RBFOX1: variants seen among roughly 807,000 people sequenced by gnomAD.
The protein encoded by RBFOX1 is RNA binding fox-1 homolog 1.
Under a neutral mutation model 57.7 loss-of-function variants are expected in RBFOX1, and 8 were observed. That is an observed-to-expected ratio of 0.14 (90% CI 0.08 to 0.25). The LOEUF is 0.25. RBFOX1 is among the 10% of genes least tolerant of loss of function. The pLI is 1.00. For synonymous variants in RBFOX1, 326 were observed against 222.4 expected, an observed-to-expected ratio of 1.47 and a Z score of -4.15; for missense variants, 611 against 548.5, an observed-to-expected ratio of 1.11 and a Z score of -1.14.
chr16:6,394,773 C>T (rs1008611943), intron 2 of RBFOX1, among the ~76,000 whole-genome samples: 2 of 152,084 alleles, frequency 1.3e-5, no homozygotes, highest in Admixed American at 6.6e-5. Context: ...TCTACCAAAA[C>T]AGCTCAGCCA....
intron 4 of RBFOX1, among the ~76,000 whole-genome samples, chr16:7,512,676 C>T (rs1039464791): frequency 2.6e-5 from 4 of 152,216 alleles, no homozygotes; most frequent in African/African-American, 9.6e-5. Context: ...TTGCACAACT[C>T]ATGGTAGAGG....
intron 3 of RBFOX1, among the ~76,000 whole-genome samples, chr16:6,833,533 G>A (rs1320135592): frequency 6.6e-6 from 1 of 152,112 alleles, no homozygotes; most frequent in Non-Finnish European, 1.5e-5. Flanking sequence ...TGGAATGCCA[G>A]CCTGGCCAGC....
In RBFOX1 at chr16:5,717,787, A is replaced by G. The variant is rs558851772; in HGVS notation, c.318+118826A>G. ...TGCAAGAAGATTTGGTACTATTCGG[A>G]GGGCCTCCCATGATCAGCGATTTAT... On this transcript the variant is annotated intron_variant, in intron 3 of 19. Transcript: ENST00000641259. Among the ~76,000 whole-genome samples the G allele has an allele frequency of 7.9e-5, 12 of 152,328 alleles. No individual in the cohort carries two copies. In the East Asian group the frequency reaches 1.7e-3, roughly 22 times the overall value.
intron 3 of RBFOX1, among the ~76,000 whole-genome samples, chr16:6,663,910 G>A (rs2098716377): frequency 1.3e-5 from 2 of 152,208 alleles, no homozygotes; most frequent in African/African-American, 4.8e-5. Context: ...TGGGGCTCAG[G>A]CAGCAGTGGG....
At chr16:5,951,681 C>T (rs966816339) in intron 4 of RBFOX1, among the ~76,000 whole-genome samples, 3 of 152,142 alleles carry the variant, frequency 2.0e-5, no homozygotes, top group South Asian at 2.1e-4. Flanking sequence ...CCCCTATGAC[C>T]GTCCCCTGAC....
intron 3 of RBFOX1, among the ~76,000 whole-genome samples, chr16:6,797,385 C>G (rs897929359): frequency 1.3e-5 from 2 of 151,788 alleles, no homozygotes; most frequent in East Asian, 1.9e-4. Context: ...AACAGGTGGT[C>G]GAAAGAGAGA....
At position 5,947,189 on chromosome 16, in the gene RBFOX1, C is replaced by T. The variant is rs1344969879; in HGVS notation, c.351+79854C>T. ...CGTGATTCTGCCACTGCTCTCCAGC[C>T]TGGGTGGCAGAGTGAGACTCTGTCT... On this transcript the variant is annotated intron_variant, in intron 4 of 19. Coordinates refer to the RBFOX1 transcript ENST00000641259. The surrounding 1 kb of genome is among the most constrained non-coding windows in gnomAD (Gnocchi z 7.2). Among the ~76,000 whole-genome samples the T allele has an allele frequency of 6.6e-6, 1 of 152,148 alleles. No individual in the cohort carries two copies. The highest frequency in any genetic ancestry group is 2.4e-5 in the African/African-American group (1 of 41,434).
At chr16:6,925,133 TTTTTTTTTTTTTTTTTTTG>T (rs2075317854) in intron 3 of RBFOX1, among the ~76,000 whole-genome samples, 3 of 99,464 alleles carry the variant, frequency 3.0e-5, no homozygotes, top group African/African-American at 8.3e-5. Flanking sequence ...TTTTTTTTTT[TTTTTTTTTTTTTTTTTTTG>T]AGATGGAGTT....
At chr16:5,670,919 G>C (rs1434976686) in intron 3 of RBFOX1, among the ~76,000 whole-genome samples, 1 of 152,230 alleles carries the variant, frequency 6.6e-6, no homozygotes, top group Non-Finnish European at 1.5e-5. Context: ...CCACTTTGCA[G>C]ATGAAGATAT....
At chr16:5,672,601 GT>G (rs34921063) in intron 3 of RBFOX1, among the ~76,000 whole-genome samples, 45,146 of 152,066 alleles carry the variant, frequency 0.3, 7,185 homozygotes, top group East Asian at 0.57. Context: ...CCCACAAAGA[GT>G]TAAGTCGTAT....
In RBFOX1 at chr16:5,645,263, CAG is replaced by C. The variant is rs2049013192; in HGVS notation, c.318+46304_318+46305del. ...AAGTTCCATCTCAAAAAAACAAAAA[CAG>C]AAACAAAAACAAAAAAAAAAACATG... is the stretch of plus-strand genomic sequence containing the variant. On this transcript the variant is annotated intron_variant, in intron 3 of 19. Coordinates refer to the RBFOX1 transcript ENST00000641259. Among the ~76,000 whole-genome samples, 3 of 42,018 alleles carry C rather than the reference CAG, an allele frequency of 7.1e-5. No homozygotes were observed. In the South Asian group the frequency reaches 4.3e-3, roughly 61 times the overall value. The allele number at this position is 42,018 out of a possible 152,430, so 27.6% of individuals were successfully genotyped here.
chr16:6,350,444 G>GA lies in RBFOX1; in HGVS notation c.-64+33442dup, dbSNP rs569363563. ...CAACAAGAGTGAAACTCTGTCTCAA[G>GA]AAAAAAAAAAAAAAAAAAAAAAAAA... is the stretch of plus-strand genomic sequence containing the variant. On this transcript the variant is annotated intron_variant, in intron 2 of 15. Coordinates refer to ENST00000550418, the MANE Select transcript of RBFOX1 (RefSeq NM_018723.4). 4.0e-5 allele frequency among the ~76,000 whole-genome samples: 3 copies of GA among 74,616 alleles called. 1 individual carries two copies. Among genetic ancestry groups the GA allele is most frequent in the Non-Finnish European group, 7.3e-5 (3 of 40,946 alleles). The allele number at this position is 74,616 out of a possible 152,430, so 49.0% of individuals were successfully genotyped here. A position where few individuals can be genotyped will look rare whatever the true frequency, so the allele number is the denominator to read the frequency against.
At chr16:6,905,858 C>G (rs751739589) in intron 3 of RBFOX1, among the ~76,000 whole-genome samples, 9 of 152,218 alleles carry the variant, frequency 5.9e-5, no homozygotes, top group African/African-American at 1.7e-4. Flanking sequence ...TGTTTATTCC[C>G]TGGCCCTCTG....
At chr16:6,723,507 G>T (rs1158089082) in intron 3 of RBFOX1, among the ~76,000 whole-genome samples, 2 of 152,150 alleles carry the variant, frequency 1.3e-5, no homozygotes, top group Non-Finnish European at 2.9e-5. Context: ...TACAATTATA[G>T]ATTGTGTTTG....
At chr16:5,523,441 C>T (rs112633980) in intron 2 of RBFOX1, among the ~76,000 whole-genome samples, 29 of 151,308 alleles carry the variant, frequency 1.9e-4, no homozygotes, top group African/African-American at 6.8e-4. Flanking sequence ...ATGGTGAAAC[C>T]CTGTCTTTAC....
intron 1 of RBFOX1, among the ~76,000 whole-genome samples, chr16:6,088,087 A>C (rs566275645): frequency 5.4e-4 from 83 of 152,326 alleles, no homozygotes; most frequent in African/African-American, 1.9e-3. Flanking sequence ...TTTTAGAGAG[A>C]AGAGGTTCAC....
In RBFOX1 at chr16:7,264,703, CT is replaced by C. The variant is rs202152020; in HGVS notation, c.27+212615del. The stretch of plus-strand genomic sequence containing the variant: ...TTATTTTTCTTTGGATTTTTCTCAA[CT>C]TTTTTTTTTAAAAAAATGTAATCAA... On this transcript the variant is annotated intron_variant, in intron 4 of 15. Transcript: ENST00000550418. 4.0e-5 allele frequency among the ~76,000 whole-genome samples: 6 copies of C among 150,048 alleles called. No homozygotes were observed. The South Asian group carries it at 6.3e-4, about 16-fold the overall frequency.
At chr16:6,465,255 A>G (rs1367734896) in intron 2 of RBFOX1, among the ~76,000 whole-genome samples, 1 of 152,086 alleles carries the variant, frequency 6.6e-6, no homozygotes, top group East Asian at 1.9e-4. Flanking sequence ...TGGTGGAGTG[A>G]GGTTTTGTTG....
chr16:6,191,897 A>G (rs2097144208), intron 1 of RBFOX1, among the ~76,000 whole-genome samples: 1 of 152,188 alleles, frequency 6.6e-6, no homozygotes, highest in Non-Finnish European at 1.5e-5. Flanking sequence ...CATCTCTGCA[A>G]TTATGTCACT....
Sources: allele counts gnomAD v4.1 joint callset (sites outside exome capture counted in the v4.1 genomes callset), GRCh38; gene constraint gnomAD v4.1.1; non-coding constraint Gnocchi (gnomAD v3.1); transcripts MANE v1.5; gene names NCBI Gene and HGNC (gene_info 2026-07-23, HGNC 2026-07-21).